WWOX: variants seen among roughly 807,000 people sequenced by gnomAD.
WWOX encodes WW domain-containing oxidoreductase.
A neutral mutation model predicts 46.2 loss-of-function variants in WWOX; 69 were observed. The observed-to-expected ratio is 1.49, with a 90% CI of 1.23 to 1.82. WWOX has a LOEUF of 1.82. Ranked by LOEUF, WWOX falls within the 40% of genes most tolerant of loss-of-function variation. WWOX has a pLI of 0.00. For missense variants in WWOX, 919 were observed against 542.6 expected, an observed-to-expected ratio of 1.69 and a Z score of -6.89; for synonymous variants, 359 against 202.6, an observed-to-expected ratio of 1.77 and a Z score of -6.56.
chr16:79,127,093 A>T (rs888262636), intron 8 of WWOX, among the ~76,000 whole-genome samples: 1 of 152,046 alleles, frequency 6.6e-6, no homozygotes, highest in African/African-American at 2.4e-5. Flanking sequence ...AATAGGTAAT[A>T]CTTTTATATG....
intron 8 of WWOX, among the ~76,000 whole-genome samples, chr16:78,790,852 C>G (rs953865450): frequency 1.3e-5 from 2 of 151,522 alleles, no homozygotes; most frequent in Admixed American, 1.3e-4. Context: ...AACCTCATTT[C>G]TACAAAAAAT....
At chr16:78,916,264 T>G (rs527738690) in intron 8 of WWOX, among the ~76,000 whole-genome samples, 8 of 152,268 alleles carry the variant, frequency 5.3e-5, no homozygotes, top group Non-Finnish European at 1.2e-4. Context: ...AATCAGCGCT[T>G]TCTACTGCAG....
chr16:78,901,584 C>G (rs1404781967), intron 8 of WWOX, among the ~76,000 whole-genome samples: 3 of 152,176 alleles, frequency 2.0e-5, no homozygotes, highest in African/African-American at 7.2e-5. Flanking sequence ...GCTTCCCAGA[C>G]TCAAGTCATC....
In WWOX at chr16:78,661,616, T is replaced by C. The variant is rs149751585; in HGVS notation, c.1056+228864T>C. 3.3e-3 allele frequency among the ~76,000 whole-genome samples: 486 copies of C among 145,804 alleles called. 3 individuals are homozygous for C. Among genetic ancestry groups the C allele is most frequent in the African/African-American group, 0.012 (464 of 39,148 alleles). ...ATTGTGTTGACAGCCCTGTAATAAA[T>C]GTCTCTTGGAAGAGATGTGTTGCTG... On this transcript the variant is annotated intron_variant, in intron 8 of 8. Coordinates refer to ENST00000566780, the MANE Select transcript of WWOX (RefSeq NM_016373.4).
Position 79,138,762 on chromosome 16 carries a change from G to C in WWOX, c.1057-72846G>C, listed in dbSNP as rs185847920. ...TAGACTGTGAGTCTCCAGAGGGTGA[G>C]ACTGACATCTCATTTCTCTTTGCAG... On this transcript the variant is annotated intron_variant, in intron 8 of 8. Coordinates refer to ENST00000566780, the MANE Select transcript of WWOX (RefSeq NM_016373.4). 3.9e-4 allele frequency among the ~76,000 whole-genome samples: 59 copies of C among 152,288 alleles called. No homozygotes were observed. The South Asian group carries it at 4.6e-3, about 12-fold the overall frequency.
chr16:78,104,223 G>C (rs904906725), intron 1 of WWOX, among the ~76,000 whole-genome samples: 24 of 117,882 alleles, frequency 2.0e-4, no homozygotes, highest in Non-Finnish European at 4.2e-4. Flanking sequence ...AACTTACACT[G>C]TGCTCAAAAC....
intron 6 of WWOX, among the ~76,000 whole-genome samples, chr16:78,422,564 T>A (rs886773968): frequency 2.7e-5 from 4 of 148,614 alleles, no homozygotes; most frequent in Admixed American, 1.4e-4. Flanking sequence ...TCAGGCTGGT[T>A]TTGAATACTG....
intron 8 of WWOX, among the ~76,000 whole-genome samples, chr16:78,797,947 C>T (rs1305894770): frequency 6.6e-6 from 1 of 152,186 alleles, no homozygotes; most frequent in African/African-American, 2.4e-5. Flanking sequence ...ATGGTCACAC[C>T]ACTGCCCTCA....
At chr16:78,682,872 T>C (rs1425151275) in intron 8 of WWOX, among the ~76,000 whole-genome samples, 1 of 152,216 alleles carries the variant, frequency 6.6e-6, no homozygotes, top group East Asian at 1.9e-4. Flanking sequence ...TTAGCAGCTT[T>C]AGATAATGCA....
At chr16:78,826,750 C>T (rs2051668628) in intron 8 of WWOX, among the ~76,000 whole-genome samples, 1 of 152,158 alleles carries the variant, frequency 6.6e-6, no homozygotes. Flanking sequence ...TGGAGGCCAC[C>T]ATTCAACCCA....
At chr16:78,821,608 G>A (rs2051496507) in intron 8 of WWOX, among the ~76,000 whole-genome samples, 1 of 152,156 alleles carries the variant, frequency 6.6e-6, no homozygotes, top group African/African-American at 2.4e-5. Context: ...ACCCATATAT[G>A]TGTCAATGTT....
chr16:79,184,934 C>T (rs1204989083), intron 8 of WWOX, among the ~76,000 whole-genome samples: 2 of 152,162 alleles, frequency 1.3e-5, no homozygotes, highest in African/African-American at 4.8e-5. Flanking sequence ...TAGGGATTCT[C>T]CTTTACATTT....
intron 8 of WWOX, among the ~76,000 whole-genome samples, chr16:78,434,722 G>T (rs908487346): frequency 1.3e-5 from 2 of 152,150 alleles, no homozygotes; most frequent in Non-Finnish European, 2.9e-5. Flanking sequence ...TCAGAGGAAC[G>T]GGATGGGAAA....
chr16:78,875,793 A>C (rs1198967279), intron 8 of WWOX, among the ~76,000 whole-genome samples: 1 of 152,134 alleles, frequency 6.6e-6, no homozygotes, highest in Non-Finnish European at 1.5e-5. Context: ...ATAATCCTAC[A>C]ATTGGTGACA....
Position 78,275,732 on chromosome 16 carries a change from T to G in WWOX, c.517-111128T>G, listed in dbSNP as rs78717241. ...TAAGCAGATTGTCCCCATTGGTCCA[T>G]TTTTAAATCTTCCTTTTGGTATTTG... On this transcript the variant is annotated intron_variant, in intron 5 of 8. Transcript: ENST00000566780. Among the ~76,000 whole-genome samples, 982 of 152,326 alleles carry G rather than the reference T, an allele frequency of 6.4e-3. 8 individuals are homozygous for G. Among genetic ancestry groups the G allele is most frequent in the African/African-American group, 0.023 (943 of 41,578 alleles).
At chr16:78,201,326 C>G (rs2036223760) in intron 5 of WWOX, among the ~76,000 whole-genome samples, 1 of 152,050 alleles carries the variant, frequency 6.6e-6, no homozygotes, top group Admixed American at 6.6e-5. Context: ...GTATTGAAAA[C>G]TTATTAAGCT....
chr16:78,999,177 GA>G lies in WWOX; in HGVS notation c.1057-212430del, dbSNP rs1419362691. Among the ~76,000 whole-genome samples the G allele has an allele frequency of 2.0e-5, 3 of 151,428 alleles. No homozygotes were observed. The East Asian group carries it at 5.8e-4, about 29-fold the overall frequency. On this transcript the variant is annotated intron_variant, in intron 8 of 8. Coordinates refer to ENST00000566780, the MANE Select transcript of WWOX (RefSeq NM_016373.4). ...TTTTTTTTTAATGGATTCTTCTAAG[GA>G]TGGCTGCATCAGCCAGGGGCAGCGG...
rs5818125 is a variant in WWOX, at chr16:78,304,948, C to CT, written c.517-81903dup. ...TTCCTTCCTCTTTTCCCTTCTTCCTCTTTTTTTTTCTTTTCTTTCCTTCCC... is the reference window on the plus strand; with the variant it reads ...TTCCTTCCTCTTTTCCCTTCTTCCTCTTTTTTTTTTCTTTTCTTTCCTTCCC... On this transcript the variant is annotated intron_variant, in intron 5 of 8. Transcript: ENST00000566780. 2.5e-3 allele frequency among the ~76,000 whole-genome samples: 380 copies of CT among 151,512 alleles called. 2 individuals are homozygous for CT. The highest frequency in any genetic ancestry group is 8.5e-3 in the African/African-American group (350 of 41,272).
At chr16:79,017,082 T>A (rs2047429484) in intron 8 of WWOX, 1 of 152,164 alleles carries the variant, frequency 6.6e-6, no homozygotes, top group South Asian at 2.1e-4. Flanking sequence ...ATTATGTCCC[T>A]CTGTGTTCTC....
Sources: allele counts gnomAD v4.1 joint callset (sites outside exome capture counted in the v4.1 genomes callset), GRCh38; gene constraint gnomAD v4.1.1; transcripts MANE v1.5; gene names NCBI Gene and HGNC (gene_info 2026-07-23, HGNC 2026-07-21).